The following CLPTM1 variants were observed in gnomAD, a reference collection of about 807,000 sequenced individuals.
CLPTM1 encodes CLPTM1 regulator of GABA type A receptor forward trafficking.
CLPTM1 carries 21 observed loss-of-function variants against 77.3 expected under a neutral mutation model. The observed-to-expected ratio is 0.27, with a 90% CI of 0.19 to 0.39. The LOEUF (loss-of-function observed/expected upper bound fraction) is 0.39, where lower values mean the gene tolerates loss of function less well. CLPTM1 is among the 10% of genes least tolerant of loss of function. The probability of loss-of-function intolerance (pLI) is 1.00; values close to 1 mark genes in which losing one functional copy is unlikely to be tolerated. For missense variants in CLPTM1, 642 were observed against 921.2 expected (o/e 0.70, Z 3.92); for synonymous variants, 373 against 381.0 (o/e 0.98, Z 0.24).
At chr19:44,962,954 G>A (rs1970567179) in intron 2 of CLPTM1, among the ~76,000 whole-genome samples, 1 of 151,974 alleles carries the variant, frequency 6.6e-6, no homozygotes, top group Non-Finnish European at 1.5e-5. Flanking sequence ...GAACCCGGGA[G>A]GCGGAGCTTG....
Position 44,987,292 on chromosome 19 carries a change from C to T in CLPTM1, c.907C>T (p.Leu303Phe), listed in dbSNP as rs1478311299. ...CAACGAGAGCCTGGCCAGCCTGCCG[C>T]TCCGCGTCTCCTTCTGCCCACTCTC... ...PINESLASLP[L>F]RVSFCPLSLW... The change falls in exon 8 of 14, where the codon CTC becomes TTC. Residue 303 changes from leucine to phenylalanine, a missense_variant. By Grantham distance (22) the Leu-to-Phe change is conservative. Coordinates refer to ENST00000337392, the MANE Select transcript of CLPTM1 (RefSeq NM_001294.4). The T allele has an allele frequency of 6.2e-7, 1 of 1,614,282 alleles. No individual in the cohort carries two copies. Among genetic ancestry groups the T allele is most frequent in the African/African-American group, 1.3e-5 (1 of 75,080 alleles).
In CLPTM1 at chr19:44,992,624, C is replaced by T; in HGVS notation, c.1737C>T (p.Phe579=). The change falls in exon 14 of 14, where the codon TTC becomes TTT. Residue 579 remains phenylalanine (F), a synonymous_variant. Transcript: ENST00000337392. This position sits in a 1 kb window ranked among gnomAD's most constrained non-coding sequence, Gnocchi z 7.7. ...ACCCCTCTCCAGATGTGGTTTTCTT[C>T]ATCTACCTCTACCAACGGTGGATCT... ...IGCLRDDVVF[F]IYLYQRWIYR... The T allele has an allele frequency of 6.2e-7, 1 of 1,613,888 alleles. No homozygotes were observed. Among genetic ancestry groups the T allele is most frequent in the Non-Finnish European group, 8.5e-7 (1 of 1,179,944 alleles).
chr19:44,958,407 C>G (rs1436777138), intron 1 of CLPTM1, among the ~76,000 whole-genome samples: 1 of 145,938 alleles, frequency 6.9e-6, no homozygotes, highest in Admixed American at 6.9e-5. Context: ...TTTCTTTTTT[C>G]TGAGACGGAG....
Position 44,990,534 on chromosome 19 carries a change from C to G in CLPTM1, c.1272C>G (p.Phe424Leu). ...ETNFVVQVSV[F>L]IGVLIDLWKI... Reference sequence around the variant, plus strand: ...ACTTCGTGGTCCAGGTCAGCGTCTTCATTGGGGTCCTCATCGACCTCTGGA... The same window carrying G: ...ACTTCGTGGTCCAGGTCAGCGTCTTGATTGGGGTCCTCATCGACCTCTGGA... Residue 424 changes from phenylalanine (F) to leucine (L), a missense_variant, in exon 10 of 14, where the codon TTC becomes TTG. Phe to Leu is a conservative substitution (Grantham distance 22). Coordinates refer to ENST00000337392, the MANE Select transcript of CLPTM1 (RefSeq NM_001294.4). The surrounding 1 kb of genome is among the most constrained non-coding windows in gnomAD (Gnocchi z 4.8). 1 of 1,614,096 alleles carries G rather than the reference C, an allele frequency of 6.2e-7. No individual in the cohort carries two copies. Among genetic ancestry groups the G allele is most frequent in the Non-Finnish European group, 8.5e-7 (1 of 1,179,988 alleles).
rs1970747458 is a variant in CLPTM1, at chr19:44,973,117, G to A, written c.216G>A (p.Trp72Ter). The A allele has an allele frequency of 6.2e-7, 1 of 1,613,854 alleles. No homozygotes were observed. The highest frequency in any genetic ancestry group is 1.3e-5 in the African/African-American group (1 of 74,930). ...TCATCATCTGGGCCATCAGCAGTTG[G>A]TTCCGCCGAGGGCCGGCCCCTCAGG... ...RIFIIWAISS[W>*]FRRGPAPQDQ... Residue 72 changes from tryptophan (W) to a stop codon, truncating the protein, a stop_gained, in exon 3 of 14, where the codon TGG becomes TGA. Coordinates refer to ENST00000337392, the MANE Select transcript of CLPTM1 (RefSeq NM_001294.4). LOFTEE classifies it high-confidence loss of function.
chr19:44,990,194 GT>G lies in CLPTM1; in HGVS notation c.1133-200del. ...GACGTCCTATGGGAGGGCTCCAGGG[GT>G]GCCGCCTGTCTGGTGCTCTGGGGGT... On this transcript the variant is annotated intron_variant, in intron 9 of 13. Transcript: ENST00000337392. This position sits in a 1 kb window ranked among gnomAD's most constrained non-coding sequence, Gnocchi z 4.8. 1 of 590,350 alleles carries G rather than the reference GT, an allele frequency of 1.7e-6. No individual in the cohort carries two copies. Among genetic ancestry groups the G allele is most frequent in the Non-Finnish European group, 3.0e-6 (1 of 333,506 alleles). The allele number at this position is 590,350 out of a possible 1,614,324, so 36.6% of individuals were successfully genotyped here.
Position 44,985,113 on chromosome 19 carries a change from T to A in CLPTM1, c.587-105T>A, listed in dbSNP as rs1970957289. On this transcript the variant is annotated intron_variant, in intron 5 of 13. Transcript: ENST00000337392. ...TCTCAGCAGGTGAGTGCAAGGTGGA[T>A]GCCAGGAGACCGTGAGCCGTTGCTG... 4.1e-6 allele frequency: 3 copies of A among 736,884 alleles called. No homozygotes were observed. In the Admixed American group the frequency reaches 6.5e-5, roughly 16 times the overall value. 45.6% of individuals were successfully genotyped at this position (736,884 alleles called of 1,614,324 possible). A position where few individuals can be genotyped will look rare whatever the true frequency, so the allele number is the denominator to read the frequency against.
chr19:44,966,859 G>A (rs1280771176), intron 2 of CLPTM1, among the ~76,000 whole-genome samples: 1 of 150,200 alleles, frequency 6.7e-6, no homozygotes, highest in Non-Finnish European at 1.5e-5. Flanking sequence ...CTTTTTTTTG[G>A]GAGACAGAAT....
chr19:44,981,357 T>G (rs553171137), intron 5 of CLPTM1, among the ~76,000 whole-genome samples: 143 of 151,852 alleles, frequency 9.4e-4, no homozygotes, highest in African/African-American at 3.4e-3. Flanking sequence ...GTCAGGCTGG[T>G]CTCGAACTCC....
In CLPTM1 at chr19:44,992,128, T is replaced by G; in HGVS notation, c.1556-105T>G. ...CCCAGGTATAGGAAGTGGTAGAGTGTGCCCAGGTGTAGGAAGTGGTGAGGG... is the reference window on the plus strand; with the variant it reads ...CCCAGGTATAGGAAGTGGTAGAGTGGGCCCAGGTGTAGGAAGTGGTGAGGG... On this transcript the variant is annotated intron_variant, in intron 12 of 13. Transcript: ENST00000337392. The surrounding 1 kb of genome is among the most constrained non-coding windows in gnomAD (Gnocchi z 7.7). 8.4e-7 allele frequency: 1 copy of G among 1,194,044 alleles called. No individual in the cohort carries two copies. Among genetic ancestry groups the G allele is most frequent in the Non-Finnish European group, 1.2e-6 (1 of 831,720 alleles). The allele number at this position is 1,194,044 out of a possible 1,614,324, so 74.0% of individuals were successfully genotyped here.
intron 2 of CLPTM1, among the ~76,000 whole-genome samples, chr19:44,963,297 C>G (rs1349846005): frequency 6.9e-6 from 1 of 145,816 alleles, no homozygotes; most frequent in Non-Finnish European, 1.5e-5. Flanking sequence ...ATCACTTGAG[C>G]CTTGGAAATT....
chr19:44,981,464 G>C (rs559567103), intron 5 of CLPTM1, among the ~76,000 whole-genome samples: 8 of 152,094 alleles, frequency 5.3e-5, no homozygotes, highest in Admixed American at 6.6e-5. Context: ...ATGGTGGTGC[G>C]CAACCTGTAG....
intron 2 of CLPTM1, among the ~76,000 whole-genome samples, chr19:44,971,332 TA>T (rs2122271521): frequency 6.7e-6 from 1 of 149,898 alleles, no homozygotes; most frequent in African/African-American, 2.5e-5. Flanking sequence ...TAATTACAAA[TA>T]TAAAATATAT....
At chr19:44,974,667 C>T (rs1042803413) in intron 4 of CLPTM1, 70 bp downstream of exon 4, 109 of 1,544,410 alleles carry the variant, frequency 7.1e-5, no homozygotes, top group Non-Finnish European at 8.4e-5. Flanking sequence ...TCCTCCAGTC[C>T]GCTCCTTGCT....
Position 44,977,447 on chromosome 19 carries a change from C to G in CLPTM1, c.573C>G (p.Val191=). The stretch of plus-strand genomic sequence containing the variant: ...CCCTGTACCGCCGGCTTGCCACAGT[C>G]CACATGTCCCGGAGTAAGTCGCTCC... ...QKALYRRLAT[V]HMSRMINKYK... The change falls in exon 5 of 14, where the codon GTC becomes GTG. Residue 191 remains valine (V), a synonymous_variant. Transcript: ENST00000337392. The G allele has an allele frequency of 2.5e-6, 4 of 1,606,380 alleles. No homozygotes were observed. Among genetic ancestry groups the G allele is most frequent in the Non-Finnish European group, 2.5e-6 (3 of 1,179,092 alleles).
intron 2 of CLPTM1, among the ~76,000 whole-genome samples, chr19:44,967,914 C>G (rs540546806): frequency 1.3e-5 from 2 of 152,210 alleles, no homozygotes; most frequent in Non-Finnish European, 2.9e-5. Context: ...CCCATGGCCA[C>G]GTAAAGACTT....
chr19:44,961,889 C>T (rs747863847), intron 1 of CLPTM1, 74 bp from the exon 2 acceptor site: 22 of 965,122 alleles, frequency 2.3e-5, no homozygotes, highest in Non-Finnish European at 3.0e-5. Flanking sequence ...TGTGCCTGGC[C>T]TTCATGCATG....
Position 44,990,800 on chromosome 19 carries a change from G to C in CLPTM1, c.1324-50G>C, listed in dbSNP as rs1439428890. On this transcript the variant is annotated intron_variant, in intron 10 of 13. Transcript: ENST00000337392. This position sits in a 1 kb window ranked among gnomAD's most constrained non-coding sequence, Gnocchi z 4.8. ...AGGGCAGGGGCTGGTTCTGGCTTGT[G>C]GGGTGGGAGCCAGCGTAGCAACTGA... 6.7e-7 allele frequency: 1 copy of C among 1,497,352 alleles called. No homozygotes were observed. The highest frequency in any genetic ancestry group is 9.3e-7 in the Non-Finnish European group (1 of 1,079,710). The allele number at this position is 1,497,352 out of a possible 1,614,324, so 92.8% of individuals were successfully genotyped here. A position where few individuals can be genotyped will look rare whatever the true frequency, so the allele number is the denominator to read the frequency against.
At chr19:44,975,867 ATTC>A (rs1306064476) in intron 4 of CLPTM1, among the ~76,000 whole-genome samples, 1 of 151,928 alleles carries the variant, frequency 6.6e-6, no homozygotes, top group African/African-American at 2.4e-5. Flanking sequence ...TCCAGCCATC[ATTC>A]TTTTCTTTTT....
Sources: gnomAD v4.1 joint callset for allele counts (sites outside exome capture counted in the v4.1 genomes callset) on GRCh38, gnomAD v4.1.1 for gene constraint, Gnocchi (gnomAD v3.1) non-coding constraint, MANE v1.5 for transcripts, NCBI Gene and HGNC (gene_info 2026-07-23, HGNC 2026-07-21) for gene names.